PPP1R16B: variants seen among roughly 807,000 people sequenced by gnomAD.
The protein encoded by PPP1R16B is protein phosphatase 1 regulatory subunit 16B.
In PPP1R16B, 14 loss-of-function variants were observed where a neutral mutation model predicts 61.7. The ratio of observed to expected loss-of-function variants is 0.23; its 90% CI spans 0.15 to 0.35. The LOEUF (loss-of-function observed/expected upper bound fraction) is 0.35, where lower values mean the gene tolerates loss of function less well. Ranked by LOEUF, PPP1R16B falls within the 10% of genes least tolerant of loss-of-function variation. The pLI, the probability that PPP1R16B is intolerant of heterozygous loss-of-function variation, is 1.00. For synonymous variants in PPP1R16B, 266 were observed against 305.3 expected (o/e 0.87, Z 1.34); for missense variants, 547 against 752.5 (o/e 0.73, Z 3.19).
chr20:38,826,757 C>T (rs1034097350), intron 1 of PPP1R16B, among the ~76,000 whole-genome samples: 1 of 152,032 alleles, frequency 6.6e-6, no homozygotes, highest in African/African-American at 2.4e-5. Flanking sequence ...GGCTCATGGG[C>T]CTTCATGGGG....
intron 2 of PPP1R16B, among the ~76,000 whole-genome samples, chr20:38,847,898 A>G (rs2084945078): frequency 6.6e-6 from 1 of 152,008 alleles, no homozygotes; most frequent in Non-Finnish European, 1.5e-5. Context: ...TATTTTTTAT[A>G]TTGTCAAACC....
intron 1 of PPP1R16B, among the ~76,000 whole-genome samples, chr20:38,817,551 T>G (rs1383710220): frequency 1.4e-5 from 2 of 140,236 alleles, no homozygotes; most frequent in East Asian, 2.1e-4. Flanking sequence ...GGCAACAAGA[T>G]TGAAACTCCA....
chr20:38,812,519 C>T (rs190762894), intron 1 of PPP1R16B, among the ~76,000 whole-genome samples: 2 of 152,122 alleles, frequency 1.3e-5, no homozygotes, highest in African/African-American at 4.8e-5. Flanking sequence ...TTCTTTGGAC[C>T]GTTTGATGTC....
Position 38,920,677 on chromosome 20 carries a change from C to T in PPP1R16B, c.*2011C>T, listed in dbSNP as rs1196672001. ...GGTGGCTGCTGGAAGGGGAGAGGTT[C>T]TCAGCATCAGGCCACCTCCACCCCA... On this transcript the variant is annotated 3_prime_UTR_variant, in exon 11 of 11. Coordinates refer to ENST00000299824, the MANE Select transcript of PPP1R16B (RefSeq NM_015568.4). 1 of 152,400 alleles carries T rather than the reference C, an allele frequency of 6.6e-6. No individual in the cohort carries two copies. The highest frequency in any genetic ancestry group is 6.5e-5 in the Admixed American group (1 of 15,282). The allele number at this position is 152,400 out of a possible 1,614,324, so 9.4% of individuals were successfully genotyped here.
At chr20:38,854,497 T>C (rs2084990589) in intron 2 of PPP1R16B, among the ~76,000 whole-genome samples, 1 of 152,190 alleles carries the variant, frequency 6.6e-6, no homozygotes, top group Non-Finnish European at 1.5e-5. Context: ...TGCTCAGTAA[T>C]AAAATCTTTC....
chr20:38,825,213 G>A lies in PPP1R16B; in HGVS notation c.-101-10612G>A, dbSNP rs182221957. Among the ~76,000 whole-genome samples the A allele has an allele frequency of 1.3e-4, 20 of 152,302 alleles. No homozygotes were observed. The East Asian group carries it at 3.7e-3, about 28-fold the overall frequency. ...TGATCCCCAGACCTGGATGAGGAAG[G>A]GTGTCAGTGGCGACAGTGCCTTGGT... is the stretch of plus-strand genomic sequence containing the variant. On this transcript the variant is annotated intron_variant, in intron 1 of 10. Coordinates refer to ENST00000299824, the MANE Select transcript of PPP1R16B (RefSeq NM_015568.4).
In PPP1R16B at chr20:38,854,739, C is replaced by A. The variant is rs146062696; in HGVS notation, c.250+18564C>A. ...CAGGGAAGGGAGGGGAGTGGGTCACCGTGCAGATTCATGGAAATAAAGGAT... is the reference window on the plus strand; with the variant it reads ...CAGGGAAGGGAGGGGAGTGGGTCACAGTGCAGATTCATGGAAATAAAGGAT... On this transcript the variant is annotated intron_variant, in intron 2 of 10. Transcript: ENST00000299824. Among the ~76,000 whole-genome samples, 15 of 152,194 alleles carry A rather than the reference C, an allele frequency of 9.9e-5. 1 individual carries two copies. The East Asian group carries it at 2.9e-3, about 29-fold the overall frequency.
intron 2 of PPP1R16B, among the ~76,000 whole-genome samples, chr20:38,857,340 CA>C (rs2145734221): frequency 1.3e-5 from 2 of 152,276 alleles, no homozygotes; most frequent in South Asian, 4.1e-4. Flanking sequence ...TGTATAATTC[CA>C]GGCTTTATAA....
At position 38,921,724 on chromosome 20, in the gene PPP1R16B, T is replaced by G. The variant is rs2085600211; in HGVS notation, c.*3058T>G. ...CTTGAGATCAGTGTCTAGAAGACTG[T>G]TCTGCAATTTGCTGCCAAATGCATC... On this transcript the variant is annotated 3_prime_UTR_variant, in exon 11 of 11. Coordinates refer to ENST00000299824, the MANE Select transcript of PPP1R16B (RefSeq NM_015568.4). The G allele has an allele frequency of 6.6e-6, 1 of 152,268 alleles. No homozygotes were observed. The highest frequency in any genetic ancestry group is 1.5e-5 in the Non-Finnish European group (1 of 68,052). The allele number at this position is 152,268 out of a possible 1,614,324, so 9.4% of individuals were successfully genotyped here. A position where few individuals can be genotyped will look rare whatever the true frequency, so the allele number is the denominator to read the frequency against.
At chr20:38,853,050 G>A (rs1289529488) in intron 2 of PPP1R16B, among the ~76,000 whole-genome samples, 1 of 152,066 alleles carries the variant, frequency 6.6e-6, no homozygotes, top group African/African-American at 2.4e-5. Context: ...GGAATTACAG[G>A]CATGACCCAT....
rs11470382 is a variant in PPP1R16B at position 38,907,311 on chromosome 20, GTGGATGGA to G, written c.898+287_898+294del. 0.16 allele frequency among the ~76,000 whole-genome samples: 23,806 copies of G among 150,576 alleles called. 2,030 individuals carry two copies. Among genetic ancestry groups the G allele is most frequent in the East Asian group, 0.3 (1,530 of 5,084 alleles). On this transcript the variant is annotated intron_variant, in intron 8 of 10. Transcript: ENST00000299824. The surrounding 1 kb of genome is among the most constrained non-coding windows in gnomAD (Gnocchi z 4.5). Reference sequence around the variant, plus strand: ...TCTGGTTGAATGGATGGGTGGGTGGGTGGATGGATGGATGGATGGATGGATGGATGGAT... The same window carrying G: ...TCTGGTTGAATGGATGGGTGGGTGGGTGGATGGATGGATGGATGGATGGAT...
At chr20:38,899,374 C>T (rs1213993034) in intron 4 of PPP1R16B, among the ~76,000 whole-genome samples, 2 of 152,168 alleles carry the variant, frequency 1.3e-5, no homozygotes, top group African/African-American at 4.8e-5. Context: ...TCAGTGGGTC[C>T]CAAAGCTGAT....
intron 1 of PPP1R16B, among the ~76,000 whole-genome samples, chr20:38,817,169 C>G (rs148196955): frequency 6.6e-6 from 1 of 152,316 alleles, no homozygotes; most frequent in East Asian, 1.9e-4. Flanking sequence ...TACCAGAGTG[C>G]TGAGTGCCAC....
chr20:38,881,300 A>C (rs928483564), intron 2 of PPP1R16B, among the ~76,000 whole-genome samples: 2 of 152,170 alleles, frequency 1.3e-5, no homozygotes, highest in Admixed American at 1.3e-4. Flanking sequence ...GAAAGGTTTC[A>C]ATTGCTCAGT....
intron 2 of PPP1R16B, among the ~76,000 whole-genome samples, chr20:38,859,960 T>C (rs2085036278): frequency 6.6e-6 from 1 of 152,222 alleles, no homozygotes; most frequent in Admixed American, 6.5e-5. Flanking sequence ...GTTTTTTTCA[T>C]ATCTTTTACA....
At position 38,895,592 on chromosome 20, in the gene PPP1R16B, G is replaced by C; in HGVS notation, c.349G>C (p.Val117Leu). The C allele has an allele frequency of 1.2e-6, 2 of 1,613,854 alleles. No homozygotes were observed. The highest frequency in any genetic ancestry group is 1.7e-6 in the Non-Finnish European group (2 of 1,179,746). ...QCCIDNFEEI[V>L]KLLLSHGANV... ...CTGCATCGACAACTTTGAGGAAATT[G>C]TGAAGCTGCTCCTCTCCCATGGTGC... is the stretch of plus-strand genomic sequence containing the variant. Residue 117 changes from valine (V) to leucine (L), a missense_variant, in exon 4 of 11, where the codon GTG becomes CTG. By Grantham distance (32) the Val-to-Leu change is conservative. Coordinates refer to ENST00000299824, the MANE Select transcript of PPP1R16B (RefSeq NM_015568.4).
At chr20:38,882,782 C>G (rs570094322) in intron 2 of PPP1R16B, among the ~76,000 whole-genome samples, 3 of 152,250 alleles carry the variant, frequency 2.0e-5, no homozygotes, top group South Asian at 2.1e-4. Flanking sequence ...GAAGGCCTCC[C>G]AGAGGAGGTG....
intron 10 of PPP1R16B, among the ~76,000 whole-genome samples, chr20:38,916,866 G>A (rs1010253098): frequency 6.6e-6 from 1 of 151,718 alleles, no homozygotes; most frequent in Non-Finnish European, 1.5e-5. Context: ...GTGATATTTT[G>A]TTGTTTTAAT....
chr20:38,809,019 C>T lies in PPP1R16B; in HGVS notation c.-102+3227C>T, dbSNP rs1307336658. ...CTGCACTCCAGCCTGGGTGACAGAG[C>T]GAGACTCCATCTCAAAAAGAAAAAG... On this transcript the variant is annotated intron_variant, in intron 1 of 10. Transcript: ENST00000299824. Among the ~76,000 whole-genome samples the T allele has an allele frequency of 9.5e-5, 14 of 147,180 alleles. No homozygotes were observed. The Admixed American group carries it at 9.7e-4, about 10-fold the overall frequency.
Sources: gnomAD v4.1 joint callset for allele counts (sites outside exome capture counted in the v4.1 genomes callset) on GRCh38, gnomAD v4.1.1 for gene constraint, Gnocchi (gnomAD v3.1) non-coding constraint, MANE v1.5 for transcripts, NCBI Gene and HGNC (gene_info 2026-07-23, HGNC 2026-07-21) for gene names.